LRP1B: variants seen among roughly 807,000 people sequenced by gnomAD.
LRP1B encodes the protein low-density lipoprotein receptor-related protein 1B.
LRP1B carries 217 observed loss-of-function variants against 556.6 expected under a neutral mutation model. The observed-to-expected ratio is 0.39, with a 90% confidence interval of 0.35 to 0.44. The LOEUF is 0.44. LRP1B is among the 20% of genes least tolerant of loss of function. The pLI, the probability that LRP1B is intolerant of heterozygous loss-of-function variation, is 1.00. For synonymous variants in LRP1B, 2,047 were observed against 1,865.8 expected, an observed-to-expected ratio of 1.10 and a Z score of -2.50; for missense variants, 5,053 against 5,620.8, an observed-to-expected ratio of 0.90 and a Z score of 3.23.
At chr2:140,512,655 C>T (rs1196372474) in intron 51 of LRP1B, among the ~76,000 whole-genome samples, 1 of 152,068 alleles carries the variant, frequency 6.6e-6, no homozygotes, top group Non-Finnish European at 1.5e-5. Flanking sequence ...ATAAACTAGA[C>T]CATGGTTTTC....
At chr2:141,236,036 A>T (rs923881555) in intron 5 of LRP1B, among the ~76,000 whole-genome samples, 1 of 152,162 alleles carries the variant, frequency 6.6e-6, no homozygotes, top group African/African-American at 2.4e-5. Flanking sequence ...AGATCAAGTC[A>T]AAAATAATAT....
At chr2:141,610,384 T>C (rs1559175029) in intron 2 of LRP1B, among the ~76,000 whole-genome samples, 1 of 146,832 alleles carries the variant, frequency 6.8e-6, no homozygotes, top group Non-Finnish European at 1.5e-5. Flanking sequence ...CTCACTGTGA[T>C]CTAGGCATTG....
chr2:141,665,060 C>T (rs1182019303), intron 2 of LRP1B, among the ~76,000 whole-genome samples: 2 of 152,088 alleles, frequency 1.3e-5, no homozygotes, highest in South Asian at 2.1e-4. Context: ...TGCACATCTA[C>T]AACCATCTAA....
intron 2 of LRP1B, among the ~76,000 whole-genome samples, chr2:141,719,062 C>T (rs1342636618): frequency 6.6e-6 from 1 of 152,092 alleles, no homozygotes; most frequent in African/African-American, 2.4e-5. Context: ...TTCCCCCCCA[C>T]CAAGATTTTC....
chr2:141,397,252 G>A (rs1189058361), intron 3 of LRP1B, among the ~76,000 whole-genome samples: 1 of 151,112 alleles, frequency 6.6e-6, no homozygotes, highest in Non-Finnish European at 1.5e-5. Context: ...GGTATAATAG[G>A]AAGAAAAATC....
intron 43 of LRP1B, among the ~76,000 whole-genome samples, chr2:140,542,872 T>C (rs1680189797): frequency 6.6e-6 from 1 of 152,106 alleles, no homozygotes; most frequent in African/African-American, 2.4e-5. Flanking sequence ...TGCACATGTG[T>C]GCGAGCCAAC....
chr2:140,269,421 G>A (rs1443355171), intron 86 of LRP1B: 3 of 462,564 alleles, frequency 6.5e-6, no homozygotes, highest in African/African-American at 2.0e-5. Flanking sequence ...TAAAGCGTCT[G>A]ACTTGTTTTG....
At chr2:141,443,212 G>T (rs1484502767) in intron 3 of LRP1B, among the ~76,000 whole-genome samples, 1 of 152,036 alleles carries the variant, frequency 6.6e-6, no homozygotes, top group Non-Finnish European at 1.5e-5. Context: ...ATGTTTGTTG[G>T]CTGCATAAAT....
At position 141,013,666 on chromosome 2, in the gene LRP1B, A is replaced by C. The variant is rs1697819538; in HGVS notation, c.2270T>G (p.Met757Arg). 6.2e-7 allele frequency: 1 copy of C among 1,612,132 alleles called. No homozygotes were observed. Among genetic ancestry groups the C allele is most frequent in the Admixed American group, 1.7e-5 (1 of 59,786 alleles). Residue 757 changes from methionine to arginine, a missense_variant, in exon 14 of 91, where the codon ATG (methionine) becomes AGG (arginine). Physicochemically the swap from Met to Arg is moderately conservative, Grantham distance 91. Around this residue, in one of 5 missense-constraint regions of LRP1B, gnomAD observed 3,619 missense variants for 3,931.9 expected, o/e 0.92. Coordinates refer to ENST00000389484, the MANE Select transcript of LRP1B (RefSeq NM_018557.3). ...HGNYVFWTDY[M>R]NGSIFQLDLI... Reference sequence around the variant, plus strand: ...ATCTAGTTGAAAAATGGAACCATTCATATAATCAGTCCAGAACACATAATT... The same window carrying C: ...ATCTAGTTGAAAAATGGAACCATTCCTATAATCAGTCCAGAACACATAATT...
intron 1 of LRP1B, among the ~76,000 whole-genome samples, chr2:141,970,598 T>C (rs1171652880): frequency 6.6e-6 from 1 of 151,524 alleles, no homozygotes; most frequent in Non-Finnish European, 1.5e-5. Context: ...CACTAATAAA[T>C]GCATCTGTAA....
rs78283203 is a variant in LRP1B, at chr2:141,377,280, T to C, written c.343+103116A>G. Among the ~76,000 whole-genome samples the C allele has an allele frequency of 2.0e-3, 302 of 152,320 alleles. 10 individuals carry two copies. In the East Asian group the frequency reaches 0.034, roughly 17 times the overall value. ...TTCTAAAGAAATTATAGAATGTGTG[T>C]ATATTTTACAAATATGAAATAAACA... On this transcript the variant is annotated intron_variant, in intron 3 of 90. Transcript: ENST00000389484.
At chr2:141,943,721 A>G (rs1224265229) in intron 1 of LRP1B, among the ~76,000 whole-genome samples, 1 of 151,998 alleles carries the variant, frequency 6.6e-6, no homozygotes, top group Non-Finnish European at 1.5e-5. Flanking sequence ...CAATTTTGCC[A>G]CAACTGAAGT....
chr2:140,564,529 A>G lies in LRP1B; in HGVS notation c.7195-22558T>C, dbSNP rs190646526. On this transcript the variant is annotated intron_variant, in intron 43 of 90. Transcript: ENST00000389484. The stretch of plus-strand genomic sequence containing the variant: ...AAAAAGCAAACACTAAAATATGAAT[A>G]CTCATATAATCAATAAAAAATGTTA... Among the ~76,000 whole-genome samples the G allele has an allele frequency of 2.4e-3, 358 of 152,214 alleles. 1 individual carries two copies. The highest frequency in any genetic ancestry group is 8.2e-3 in the African/African-American group (342 of 41,556).
At chr2:141,129,443 A>G (rs1701295178) in intron 7 of LRP1B, among the ~76,000 whole-genome samples, 1 of 152,126 alleles carries the variant, frequency 6.6e-6, no homozygotes, top group Non-Finnish European at 1.5e-5. Flanking sequence ...CCAGTCAGAT[A>G]TTAACATTTA....
chr2:140,929,665 T>C (rs1345002826), intron 20 of LRP1B, among the ~76,000 whole-genome samples: 1 of 151,826 alleles, frequency 6.6e-6, no homozygotes, highest in Non-Finnish European at 1.5e-5. Flanking sequence ...GAATAAAATC[T>C]CCAAGAACCT....
rs1032401113 is a variant in LRP1B, at chr2:141,129,699, A to T, written c.1013+58722T>A. On this transcript the variant is annotated intron_variant, in intron 7 of 90. Coordinates refer to ENST00000389484, the MANE Select transcript of LRP1B (RefSeq NM_018557.3). ...ATTTTATATCTAAAAAACCCAAGAG[A>T]TTCAACAAAAATATTTTATAAGCAG... Among the ~76,000 whole-genome samples, 6 of 152,234 alleles carry T rather than the reference A, an allele frequency of 3.9e-5. No homozygotes were observed. In the South Asian group the frequency reaches 1.2e-3, roughly 31 times the overall value.
At chr2:141,057,847 A>G (rs939925990) in intron 9 of LRP1B, among the ~76,000 whole-genome samples, 5 of 151,838 alleles carry the variant, frequency 3.3e-5, no homozygotes, top group Admixed American at 1.3e-4. Flanking sequence ...GTCATTATTC[A>G]ATGTCATCTT....
intron 32 of LRP1B, among the ~76,000 whole-genome samples, chr2:140,794,618 CTT>C (rs113754359): frequency 2.1e-5 from 3 of 144,014 alleles, no homozygotes; most frequent in African/African-American, 2.5e-5. Flanking sequence ...TAGCCACTTT[CTT>C]TTTTTTTTTT....
chr2:141,678,894 C>T (rs1690995221), intron 2 of LRP1B, among the ~76,000 whole-genome samples: 1 of 152,084 alleles, frequency 6.6e-6, no homozygotes, highest in South Asian at 2.1e-4. Flanking sequence ...GAAACTCCAG[C>T]CCCTTGTATG....
Sources: gnomAD v4.1 joint callset for allele counts (sites outside exome capture counted in the v4.1 genomes callset) on GRCh38, gnomAD v4.1.1 for gene constraint, gnomAD v4.1.1 regional missense constraint, MANE v1.5 for transcripts, NCBI Gene and HGNC (gene_info 2026-07-23, HGNC 2026-07-21) for gene names.